RBFOX3: variants seen among roughly 807,000 people sequenced by gnomAD.
RBFOX3 encodes RNA binding fox-1 homolog 3.
Under a neutral mutation model 48.7 loss-of-function variants are expected in RBFOX3, and 17 were observed. That is an observed-to-expected ratio of 0.35 (90% CI 0.24 to 0.52). The LOEUF (loss-of-function observed/expected upper bound fraction) is 0.52, where lower values mean the gene tolerates loss of function less well. RBFOX3 is among the 20% of genes least tolerant of loss of function. RBFOX3 has a pLI of 0.94. For missense variants in RBFOX3, 382 were observed against 497.5 expected (o/e 0.77, Z 2.21); for synonymous variants, 212 against 209.5 (o/e 1.01, Z -0.10).
intron 3 of RBFOX3, among the ~76,000 whole-genome samples, chr17:79,296,303 CACCACA>C (rs768596316): frequency 2.8e-5 from 4 of 144,172 alleles, no homozygotes; most frequent in East Asian, 1.9e-4. Context: ...CACACACACA[CACCACA>C]CACACACACA....
At chr17:79,213,421 C>T (rs546733563) in intron 4 of RBFOX3, among the ~76,000 whole-genome samples, 4 of 152,322 alleles carry the variant, frequency 2.6e-5, no homozygotes, top group South Asian at 4.1e-4. Context: ...TATGCACCCG[C>T]AACTGCTACC....
At chr17:79,611,867 A>C (rs2093972309), upstream of RBFOX3, among the ~76,000 whole-genome samples, 1 of 152,160 alleles carries the variant, frequency 6.6e-6, no homozygotes, top group African/African-American at 2.4e-5. Context: ...GCTGGAGAGG[A>C]AGGACTGTGG....
chr17:79,643,569 A>G, the RBFOX3 span, among the ~76,000 whole-genome samples: 1 of 152,230 alleles, frequency 6.6e-6, no homozygotes, highest in African/African-American at 2.4e-5. Context: ...ACATTTCAAA[A>G]GATTGAAACT....
chr17:79,355,880 C>T (rs560277366), intron 2 of RBFOX3, among the ~76,000 whole-genome samples: 7 of 152,134 alleles, frequency 4.6e-5, no homozygotes, highest in Admixed American at 1.3e-4. Flanking sequence ...CGTGCCTGGC[C>T]GAACTGCTTT....
intron 4 of RBFOX3, chr17:79,208,485 T>C (rs1479223727): frequency 6.6e-6 from 1 of 152,310 alleles, no homozygotes; most frequent in Non-Finnish European, 1.5e-5. Flanking sequence ...CTGACTTCTC[T>C]CTTGGGATGA....
At chr17:79,269,122 TA>T (rs1567949816) in intron 3 of RBFOX3, among the ~76,000 whole-genome samples, 2 of 152,016 alleles carry the variant, frequency 1.3e-5, no homozygotes, top group East Asian at 3.9e-4. Flanking sequence ...ACACAAAAGA[TA>T]GAGACGTGCA....
intron 4 of RBFOX3, among the ~76,000 whole-genome samples, chr17:79,202,624 C>T (rs896959279): frequency 1.3e-5 from 2 of 152,236 alleles, no homozygotes; most frequent in Non-Finnish European, 2.9e-5. Flanking sequence ...CTGGCTTGAG[C>T]CCACACAGCA....
intron 2 of RBFOX3, among the ~76,000 whole-genome samples, chr17:79,355,068 G>C (rs980342060): frequency 1.3e-5 from 2 of 152,150 alleles, no homozygotes; most frequent in African/African-American, 4.8e-5. Context: ...GCCCCACACG[G>C]GATCATTCTG....
Position 79,390,078 on chromosome 17 carries a change from G to A in RBFOX3, c.-174-82254C>T, listed in dbSNP as rs905541836. 7.9e-5 allele frequency among the ~76,000 whole-genome samples: 12 copies of A among 151,236 alleles called. No individual in the cohort carries two copies. The highest frequency in any genetic ancestry group is 2.0e-4 in the East Asian group (1 of 5,108). ...CAGCCGCCGGGTCTCCGCAGCCTCCGGGTCTCCGCAGCCTCCGGGTCTCCG... is the reference window on the plus strand; with the variant it reads ...CAGCCGCCGGGTCTCCGCAGCCTCCAGGTCTCCGCAGCCTCCGGGTCTCCG... On this transcript the variant is annotated intron_variant, in intron 2 of 14. Coordinates refer to ENST00000693108, the MANE Select transcript of RBFOX3 (RefSeq NM_001350451.2). The surrounding 1 kb of genome is among the most constrained non-coding windows in gnomAD (Gnocchi z 4.2).
intron 2 of RBFOX3, among the ~76,000 whole-genome samples, chr17:79,309,088 C>T (rs1000163212): frequency 6.4e-5 from 9 of 141,530 alleles, no homozygotes; most frequent in Middle Eastern, 3.4e-3. Context: ...GCCTGGACAA[C>T]AGAGCAAGAC....
At position 79,115,565 on chromosome 17, in the gene RBFOX3, C is replaced by T; in HGVS notation, c.151G>A (p.Ala51Thr). 2.2e-6 allele frequency: 3 copies of T among 1,369,494 alleles called. No individual in the cohort carries two copies. The highest frequency in any genetic ancestry group is 3.0e-5 in the East Asian group (1 of 33,222). The allele number at this position is 1,369,494 out of a possible 1,614,324, so 84.8% of individuals were successfully genotyped here. ...TEHGMTLYTP[A>T]QTHPEQPGSE... ...CCTGGCTGCTCGGGGTGGGTCTGTG[C>T]TGGTGTGTACAGGGTCATGCCATGC... Residue 51 changes from alanine (A) to threonine (T), a missense_variant, in exon 5 of 15, where the codon GCA becomes ACA. Ala to Thr is a moderately conservative substitution (Grantham distance 58, BLOSUM62 0). Coordinates refer to ENST00000693108, the MANE Select transcript of RBFOX3 (RefSeq NM_001350451.2).
intron 3 of RBFOX3, among the ~76,000 whole-genome samples, chr17:79,256,698 A>G (rs1377927891): frequency 2.0e-5 from 3 of 152,090 alleles, no homozygotes; most frequent in Non-Finnish European, 4.4e-5. Flanking sequence ...CAGGTGGATC[A>G]CCTGAGGTCA....
intron 3 of RBFOX3, among the ~76,000 whole-genome samples, chr17:79,263,749 G>T (rs1213625092): frequency 1.3e-5 from 2 of 152,176 alleles, no homozygotes; most frequent in Non-Finnish European, 2.9e-5. Flanking sequence ...GCGAATGGCT[G>T]GATGAACGCG....
chr17:79,570,622 G>T (rs1385914093), intron 1 of RBFOX3, among the ~76,000 whole-genome samples: 1 of 152,182 alleles, frequency 6.6e-6, no homozygotes, highest in African/African-American at 2.4e-5. Flanking sequence ...AGTGTTGGCT[G>T]CCACTAGCTC....
At chr17:79,373,626 C>A (rs79809207) in intron 2 of RBFOX3, among the ~76,000 whole-genome samples, 1 of 148,514 alleles carries the variant, frequency 6.7e-6, no homozygotes, top group African/African-American at 2.5e-5. Flanking sequence ...TTTTACAGCC[C>A]ACACTGGAGG....
chr17:79,633,135 GGGCCATGACTC>G, the RBFOX3 span, among the ~76,000 whole-genome samples: 7 of 152,236 alleles, frequency 4.6e-5, no homozygotes, highest in Admixed American at 4.6e-4. Flanking sequence ...AGTGTTCACG[GGGCCATGACTC>G]GGCCTCCAGA....
chr17:79,531,913 C>T (rs970429071), intron 1 of RBFOX3, among the ~76,000 whole-genome samples: 1 of 152,238 alleles, frequency 6.6e-6, no homozygotes, highest in African/African-American at 2.4e-5. Context: ...CCGCTCCGCA[C>T]ACAGCAGGCT....
At chr17:79,168,175 G>C (rs776938701) in intron 4 of RBFOX3, among the ~76,000 whole-genome samples, 1 of 152,300 alleles carries the variant, frequency 6.6e-6, no homozygotes, top group East Asian at 1.9e-4. Context: ...CCCTGACCCC[G>C]CTGCTGCCTG....
At chr17:79,258,841 C>A (rs1039300423) in intron 3 of RBFOX3, among the ~76,000 whole-genome samples, 3 of 152,210 alleles carry the variant, frequency 2.0e-5, no homozygotes, top group Non-Finnish European at 4.4e-5. Flanking sequence ...GAGGGTCCTG[C>A]ACCTGGGCCA....
Sources: allele counts gnomAD v4.1 joint callset (sites outside exome capture counted in the v4.1 genomes callset), GRCh38; gene constraint gnomAD v4.1.1; non-coding constraint Gnocchi (gnomAD v3.1); transcripts MANE v1.5; gene names NCBI Gene and HGNC (gene_info 2026-07-23, HGNC 2026-07-21).